Variants in HACE1 observed in about 807,000 individuals in gnomAD.
The protein encoded by HACE1 is HECT domain and ankyrin repeat containing E3 ubiquitin protein ligase 1, also known as E3 ubiquitin-protein ligase HACE1.
A neutral mutation model predicts 118.4 loss-of-function variants in HACE1; 73 were observed. That is an observed-to-expected ratio of 0.62 (90% CI 0.51 to 0.75). The LOEUF (loss-of-function observed/expected upper bound fraction) is 0.75, where lower values mean the gene tolerates loss of function less well. Ranked by LOEUF, HACE1 falls within the 30% of genes least tolerant of loss-of-function variation. The pLI, the probability that HACE1 is intolerant of heterozygous loss-of-function variation, is 0.00. For missense variants in HACE1, 749 were observed against 1,102.2 expected (o/e 0.68, Z 4.54); for synonymous variants, 368 against 374.8 (o/e 0.98, Z 0.21).
intron 6 of HACE1, among the ~76,000 whole-genome samples, chr6:104,817,286 G>A (rs747027193): frequency 1.3e-5 from 2 of 152,106 alleles, no homozygotes; most frequent in Non-Finnish European, 2.9e-5. Flanking sequence ...AGAGGTCTGG[G>A]GGGAGGTGAC....
chr6:104,735,494 G>A (rs1041855586), intron 22 of HACE1, among the ~76,000 whole-genome samples: 2 of 152,118 alleles, frequency 1.3e-5, no homozygotes, highest in Non-Finnish European at 2.9e-5. Context: ...AGCCATGCAT[G>A]GTGGCGGGTG....
intron 6 of HACE1, among the ~76,000 whole-genome samples, chr6:104,829,072 A>C (rs1313233730): frequency 1.3e-5 from 2 of 151,890 alleles, no homozygotes; most frequent in African/African-American, 4.8e-5. Context: ...ATTTTATTCT[A>C]TAAAATATAT....
At chr6:104,812,395 A>G (rs983056281) in intron 6 of HACE1, among the ~76,000 whole-genome samples, 62 of 152,210 alleles carry the variant, frequency 4.1e-4, no homozygotes, top group Admixed American at 3.7e-3. Flanking sequence ...ACTATGAATT[A>G]TATTACACCA....
Position 104,771,316 on chromosome 6 carries a change from A to G in HACE1, c.2088T>C (p.Asp696=), listed in dbSNP as rs772652041. The part of the protein sequence containing the change: ...EYAKNLQWIL[D]NDISDLGLEL... ...CTAGACCCAGATCACTTATATCATT[A>G]TCTAAAATCCATTGCAAATTTTTCG... Residue 696 remains aspartate, a synonymous_variant, in exon 19 of 24, where the codon GAT becomes GAC. Coordinates refer to ENST00000262903, the MANE Select transcript of HACE1 (RefSeq NM_020771.4). 1 of 1,611,830 alleles carries G rather than the reference A, an allele frequency of 6.2e-7. No homozygotes were observed. The highest frequency in any genetic ancestry group is 8.5e-7 in the Non-Finnish European group (1 of 1,177,918).
intron 14 of HACE1, among the ~76,000 whole-genome samples, chr6:104,779,203 G>A (rs1562351036): frequency 6.6e-6 from 1 of 152,178 alleles, no homozygotes; most frequent in Non-Finnish European, 1.5e-5. Flanking sequence ...GCAAGGTGGT[G>A]CAATACCATC....
At chr6:104,762,249 C>T (rs1437591354) in intron 19 of HACE1, among the ~76,000 whole-genome samples, 1 of 152,156 alleles carries the variant, frequency 6.6e-6, no homozygotes, top group South Asian at 2.1e-4. Flanking sequence ...CACACGCACA[C>T]GTATGTTTAC....
At chr6:104,852,531 C>T (rs186991325) in intron 1 of HACE1, among the ~76,000 whole-genome samples, 160 bp from the exon 2 acceptor site, 63 of 152,204 alleles carry the variant, frequency 4.1e-4, no homozygotes, top group Admixed American at 1.4e-3. Flanking sequence ...TCAGAATTTA[C>T]GATAGTGAAG....
Position 104,777,347 on chromosome 6 carries a change from T to C in HACE1, c.1567-30A>G, listed in dbSNP as rs1393697167. The C allele has an allele frequency of 9.2e-6, 12 of 1,297,782 alleles. No homozygotes were observed. In the East Asian group the frequency reaches 2.5e-4, roughly 27 times the overall value. 80.4% of individuals were successfully genotyped at this position (1,297,782 alleles called of 1,614,324 possible). A position where few individuals can be genotyped will look rare whatever the true frequency, so the allele number is the denominator to read the frequency against. On this transcript the variant is annotated intron_variant, in intron 14 of 23. Transcript: ENST00000262903. ...CTCAAAAAATAAGAGTAAAATATGTTAGCAGTGTATCAGTCATCTAATTAT... is the reference window on the plus strand; with the variant it reads ...CTCAAAAAATAAGAGTAAAATATGTCAGCAGTGTATCAGTCATCTAATTAT...
At chr6:104,796,610 G>T in intron 9 of HACE1, 45 bp downstream of exon 9, 1 of 952,724 alleles carries the variant, frequency 1.0e-6, no homozygotes, top group Non-Finnish European at 1.7e-6. Context: ...TGCTGAGCAG[G>T]AATAAAGCTT....
At chr6:104,791,721 A>T in intron 10 of HACE1, 67 bp from the exon 11 acceptor site, 3 of 1,044,096 alleles carry the variant, frequency 2.9e-6, no homozygotes, top group Non-Finnish European at 4.4e-6. Flanking sequence ...CTTATTTTAA[A>T]ACATTTTCAT....
chr6:104,785,335 G>A lies in HACE1; in HGVS notation c.1075-16C>T, dbSNP rs1782245215. 1 of 1,418,326 alleles carries A rather than the reference G, an allele frequency of 7.1e-7. No homozygotes were observed. Among genetic ancestry groups the A allele is most frequent in the Non-Finnish European group, 9.9e-7 (1 of 1,008,496 alleles). 87.9% of individuals were successfully genotyped at this position (1,418,326 alleles called of 1,614,324 possible). ...ATTCCAGAGGCTGAGAGAAACAAAA[G>A]TGTTTTTTAAACATCATTCTTAAAC... On this transcript the variant is annotated splice_polypyrimidine_tract_variant and intron_variant, in intron 11 of 23. Transcript: ENST00000262903.
chr6:104,793,118 T>G (rs752986068), intron 10 of HACE1, among the ~76,000 whole-genome samples: 2 of 151,742 alleles, frequency 1.3e-5, no homozygotes, highest in Non-Finnish European at 2.9e-5. Flanking sequence ...ATACAAAAAA[T>G]TAGCCGGGCG....
intron 19 of HACE1, 57 bp downstream of exon 19, chr6:104,771,136 G>T: frequency 8.0e-7 from 1 of 1,254,710 alleles, no homozygotes; most frequent in Non-Finnish European, 1.2e-6. Flanking sequence ...AGAGTAACTA[G>T]CAAACTATCA....
intron 22 of HACE1, among the ~76,000 whole-genome samples, chr6:104,737,482 G>A (rs1005229689): frequency 4.6e-5 from 7 of 152,104 alleles, no homozygotes; most frequent in African/African-American, 1.7e-4. Flanking sequence ...CACCGTGCGC[G>A]AGCCGAAGCA....
intron 22 of HACE1, among the ~76,000 whole-genome samples, chr6:104,737,280 C>A (rs1208713729): frequency 2.5e-5 from 2 of 79,810 alleles, no homozygotes; most frequent in Admixed American, 1.7e-4. Flanking sequence ...GAGACTCTCT[C>A]TCAAAAAAAA....
In HACE1 at chr6:104,744,494, G is replaced by T; in HGVS notation, c.2442+18C>A. ...ACGGCAAAACTTAACTTCATTCTAA[G>T]CTCTAGAGAAATTTTACCTGAATAA... On this transcript the variant is annotated intron_variant, in intron 21 of 23. Transcript: ENST00000262903. 7.6e-7 allele frequency: 1 copy of T among 1,319,566 alleles called. No homozygotes were observed. Among genetic ancestry groups the T allele is most frequent in the Non-Finnish European group, 1.1e-6 (1 of 911,214 alleles). The allele number at this position is 1,319,566 out of a possible 1,614,324, so 81.7% of individuals were successfully genotyped here.
rs1045162873 is a variant in HACE1, at chr6:104,849,033, T to G, written c.326+109A>C. On this transcript the variant is annotated intron_variant, in intron 4 of 23. Coordinates refer to ENST00000262903, the MANE Select transcript of HACE1 (RefSeq NM_020771.4). ...ATAAAATATGCACCATTATTTTAGT[T>G]TTTCCCAAGGTAAATATCAGGGATG... 7 of 722,420 alleles carry G rather than the reference T, an allele frequency of 9.7e-6. No homozygotes were observed. The African/African-American group carries it at 1.2e-4, about 13-fold the overall frequency. The allele number at this position is 722,420 out of a possible 1,614,324, so 44.8% of individuals were successfully genotyped here.
intron 22 of HACE1, chr6:104,731,166 T>C (rs1022753748): frequency 1.3e-4 from 20 of 151,824 alleles, no homozygotes; most frequent in African/African-American, 4.8e-4. Flanking sequence ...TTCTAAAGTT[T>C]GCCCGTGTAT....
intron 6 of HACE1, among the ~76,000 whole-genome samples, chr6:104,826,715 T>C (rs1562460127): frequency 1.3e-5 from 2 of 152,234 alleles, no homozygotes; most frequent in Non-Finnish European, 2.9e-5. Flanking sequence ...CAAGTTAATA[T>C]ACATAATTTT....
Sources: gnomAD v4.1 joint callset for allele counts (sites outside exome capture counted in the v4.1 genomes callset) on GRCh38, gnomAD v4.1.1 for gene constraint, MANE v1.5 for transcripts, NCBI Gene and HGNC (gene_info 2026-07-23, HGNC 2026-07-21) for gene names.